The following CNTN6 variants were observed in gnomAD, a reference collection of about 807,000 sequenced individuals.
The protein encoded by CNTN6 is contactin 6, also known as contactin-6.
CNTN6 carries 137 observed loss-of-function variants against 122.8 expected under a neutral mutation model. The ratio of observed to expected loss-of-function variants is 1.12; its 90% confidence interval spans 0.97 to 1.29. The LOEUF is 1.29. Among genes scored for constraint, CNTN6 ranks in the 50% most tolerant of loss-of-function variants. The pLI is 0.00. For synonymous variants in CNTN6, 570 were observed against 426.0 expected (o/e 1.34, Z -4.16); for missense variants, 1,634 against 1,223.4 (o/e 1.34, Z -5.01).
At chr3:1,297,234 T>A (rs1304508520) in intron 6 of CNTN6, among the ~76,000 whole-genome samples, 1 of 152,176 alleles carries the variant, frequency 6.6e-6, no homozygotes, top group Non-Finnish European at 1.5e-5. Flanking sequence ...TATTACTCTG[T>A]CGTTTGGTAC....
chr3:1,349,850 G>T (rs1305065586), intron 11 of CNTN6, among the ~76,000 whole-genome samples: 2 of 151,526 alleles, frequency 1.3e-5, no homozygotes, highest in African/African-American at 4.8e-5. Context: ...AATTAAAGGA[G>T]AAATCTAAGT....
At chr3:1,348,223 T>C (rs980351717) in intron 11 of CNTN6, among the ~76,000 whole-genome samples, 3 of 136,730 alleles carry the variant, frequency 2.2e-5, no homozygotes, top group African/African-American at 8.8e-5. Flanking sequence ...AAAAATCAAA[T>C]GTTGGGATTC....
Position 1,295,550 on chromosome 3 carries a change from A to T in CNTN6, c.455-51A>T, listed in dbSNP as rs560080. ...AGAATTTTCAGATATGAATGAATGCAGTAAGGACAGTATGGTTTTGTTTTG... is the reference window on the plus strand; with the variant it reads ...AGAATTTTCAGATATGAATGAATGCTGTAAGGACAGTATGGTTTTGTTTTG... On this transcript the variant is annotated intron_variant, in intron 5 of 22. Transcript: ENST00000446702. 2.1e-3 allele frequency: 3,172 copies of T among 1,480,764 alleles called. 54 individuals carry two copies. The African/African-American group carries it at 0.038, about 18-fold the overall frequency. The allele number at this position is 1,480,764 out of a possible 1,614,324, so 91.7% of individuals were successfully genotyped here. A position where few individuals can be genotyped will look rare whatever the true frequency, so the allele number is the denominator to read the frequency against.
rs1474366126 is a variant in CNTN6 at position 1,365,988 on chromosome 3, G to A, written c.1493-6311G>A. ...TTCAGGTTCAAGTTTTAAAAACTAA[G>A]GGAACATTTGTCAAAGCATGGTCTC... On this transcript the variant is annotated intron_variant, in intron 12 of 22. Transcript: ENST00000446702. Among the ~76,000 whole-genome samples the A allele has an allele frequency of 2.0e-5, 3 of 152,022 alleles. No homozygotes were observed. In the South Asian group the frequency reaches 6.2e-4, roughly 32 times the overall value.
intron 5 of CNTN6, among the ~76,000 whole-genome samples, chr3:1,280,015 G>A (rs1247176468): frequency 2.6e-5 from 4 of 152,094 alleles, no homozygotes; most frequent in South Asian, 2.1e-4. Context: ...ATTTTTTAAC[G>A]GTATAGAAGA....
intron 4 of CNTN6, among the ~76,000 whole-genome samples, chr3:1,247,602 G>C (rs942267203): frequency 1.3e-5 from 2 of 152,184 alleles, no homozygotes; most frequent in Non-Finnish European, 2.9e-5. Flanking sequence ...CCAAGGCAAA[G>C]AGCGGTACAT....
intron 2 of CNTN6, among the ~76,000 whole-genome samples, chr3:1,193,173 A>G (rs369468819): frequency 6.6e-6 from 1 of 152,178 alleles, no homozygotes; most frequent in East Asian, 1.9e-4. Flanking sequence ...GGTTAACACA[A>G]TCAGGTTTTG....
At chr3:1,385,883 C>G in intron 20 of CNTN6, 86 bp downstream of exon 20, 2 of 1,260,626 alleles carry the variant, frequency 1.6e-6, no homozygotes, top group Admixed American at 2.7e-5. Flanking sequence ...ATTCCCACAC[C>G]TCATTTCTTT....
At chr3:1,349,456 G>A (rs1004223967) in intron 11 of CNTN6, among the ~76,000 whole-genome samples, 10 of 151,114 alleles carry the variant, frequency 6.6e-5, no homozygotes, top group African/African-American at 1.9e-4. Flanking sequence ...TTTTAATGTC[G>A]TTCATTGATA....
At chr3:1,202,638 A>T (rs1267059743) in intron 2 of CNTN6, among the ~76,000 whole-genome samples, 2 of 152,132 alleles carry the variant, frequency 1.3e-5, no homozygotes, top group Non-Finnish European at 2.9e-5. Context: ...CAACTCAGGG[A>T]AACTATTTGT....
At chr3:1,403,052 C>G (rs1437919066) in intron 22 of CNTN6, among the ~76,000 whole-genome samples, 1 of 152,124 alleles carries the variant, frequency 6.6e-6, no homozygotes, top group African/African-American at 2.4e-5. Flanking sequence ...GAGTGCAAGT[C>G]ATTAGCATCC....
intron 7 of CNTN6, among the ~76,000 whole-genome samples, chr3:1,315,333 T>C (rs995098908): frequency 6.6e-6 from 1 of 151,972 alleles, no homozygotes; most frequent in African/African-American, 2.4e-5. Context: ...GAAGCCACAG[T>C]AGGAGAAACA....
intron 11 of CNTN6, among the ~76,000 whole-genome samples, chr3:1,332,212 C>G (rs1702386807): frequency 6.6e-6 from 1 of 151,934 alleles, no homozygotes; most frequent in African/African-American, 2.4e-5. Context: ...TACATCTCCA[C>G]CCGGTAGAGA....
In CNTN6 at chr3:1,227,923, C is replaced by T. The variant is rs61739199; in HGVS notation, c.288C>T (p.Gly96=). Residue 96 remains glycine, a synonymous_variant, in exon 4 of 23, where the codon GGC becomes GGT. Coordinates refer to ENST00000446702, the MANE Select transcript of CNTN6 (RefSeq NM_001289080.2). ...GCCCCCACACAGATCAAGATATTGG[C>T]ATGTACCAGTGCCTGGCCACCAATC... ...INSPHTDQDI[G]MYQCLATNLL... 15,004 of 1,613,952 alleles carry T rather than the reference C, an allele frequency of 9.3e-3. 112 individuals carry two copies. Among genetic ancestry groups the T allele is most frequent in the South Asian group, 0.017 (1,575 of 91,070 alleles).
chr3:1,243,964 A>T (rs894965730), intron 4 of CNTN6, among the ~76,000 whole-genome samples: 10 of 152,036 alleles, frequency 6.6e-5, no homozygotes, highest in African/African-American at 2.4e-4. Flanking sequence ...TCGCATTGGG[A>T]ACAGAGGCTA....
chr3:1,327,204 CA>C (rs1211736753), intron 9 of CNTN6, among the ~76,000 whole-genome samples: 40 of 151,848 alleles, frequency 2.6e-4, no homozygotes, highest in African/African-American at 9.7e-4. Flanking sequence ...AGAAAGTTAA[CA>C]TACATTTTGT....
intron 4 of CNTN6, among the ~76,000 whole-genome samples, chr3:1,228,300 C>A (rs1052465110): frequency 6.6e-6 from 1 of 151,976 alleles, no homozygotes; most frequent in African/African-American, 2.4e-5. Context: ...CATTCTTTTT[C>A]TTTTTCTTTT....
At chr3:1,110,321 AT>A (rs1450555037) in intron 1 of CNTN6, among the ~76,000 whole-genome samples, 2 of 151,970 alleles carry the variant, frequency 1.3e-5, no homozygotes, top group African/African-American at 4.8e-5. Context: ...TCTTTTTTTG[AT>A]TGAAGAAACC....
At chr3:1,377,310 G>GT (rs1326096266) in intron 17 of CNTN6, among the ~76,000 whole-genome samples, 5 of 152,096 alleles carry the variant, frequency 3.3e-5, no homozygotes, top group African/African-American at 1.2e-4. Context: ...AACAACTTCA[G>GT]TATCTATTGA....
Sources: gnomAD v4.1 joint callset for allele counts (sites outside exome capture counted in the v4.1 genomes callset) on GRCh38, gnomAD v4.1.1 for gene constraint, MANE v1.5 for transcripts, NCBI Gene and HGNC (gene_info 2026-07-23, HGNC 2026-07-21) for gene names.